The following NR6A1 variants were observed in gnomAD, a reference collection of about 807,000 sequenced individuals.
NR6A1 encodes retinoic acid receptor-related testis-associated receptor.
In NR6A1, 7 loss-of-function variants were observed where a neutral mutation model predicts 59.1. The observed-to-expected ratio is 0.12, with a 90% CI of 0.07 to 0.22. The LOEUF (loss-of-function observed/expected upper bound fraction) is 0.22, where lower values mean the gene tolerates loss of function less well. Ranked by LOEUF, NR6A1 falls within the 10% of genes least tolerant of loss-of-function variation. NR6A1 has a pLI of 1.00. For missense variants in NR6A1, 468 were observed against 611.6 expected (o/e 0.77, Z 2.48); for synonymous variants, 243 against 236.1 (o/e 1.03, Z -0.27).
intron 2 of NR6A1, among the ~76,000 whole-genome samples, chr9:124,643,531 C>T (rs542683405): frequency 4.0e-4 from 60 of 150,248 alleles, no homozygotes; most frequent in African/African-American, 1.3e-3. Flanking sequence ...GCCCAAGAGA[C>T]GAAGGGAGCA....
In NR6A1 at chr9:124,731,663, G is replaced by A. The variant is rs1373013870; in HGVS notation, c.142+1645C>T. 3.3e-5 allele frequency among the ~76,000 whole-genome samples: 5 copies of A among 152,138 alleles called. No homozygotes were observed. The East Asian group carries it at 9.6e-4, about 29-fold the overall frequency. ...TCAGCATGAAGGTGGTGAGGATGAA[G>A]ACCTTAACGATGATTCACTTCTATT... On this transcript the variant is annotated intron_variant, in intron 2 of 9. Coordinates refer to ENST00000487099, the MANE Select transcript of NR6A1 (RefSeq NM_033334.4).
At chr9:124,729,072 C>A (rs1839809965) in intron 2 of NR6A1, among the ~76,000 whole-genome samples, 1 of 152,084 alleles carries the variant, frequency 6.6e-6, no homozygotes, top group African/African-American at 2.4e-5. Context: ...GGGAAAAAAA[C>A]TTACTAAAAC....
At chr9:124,534,918 G>A (rs1214991748) in intron 7 of NR6A1, among the ~76,000 whole-genome samples, 1 of 152,128 alleles carries the variant, frequency 6.6e-6, no homozygotes, top group African/African-American at 2.4e-5. Flanking sequence ...AGGTCGGGAG[G>A]CCGAGACTAT....
At chr9:124,768,125 G>A (rs1276839402) in intron 1 of NR6A1, among the ~76,000 whole-genome samples, 5 of 152,110 alleles carry the variant, frequency 3.3e-5, no homozygotes, top group African/African-American at 1.2e-4. Context: ...ACCATTCAAA[G>A]GACTGTAAAT....
At chr9:124,709,974 T>C (rs1839230464) in intron 2 of NR6A1, among the ~76,000 whole-genome samples, 1 of 151,658 alleles carries the variant, frequency 6.6e-6, no homozygotes, top group Non-Finnish European at 1.5e-5. Flanking sequence ...AACCCAGTAC[T>C]TTCTAACAAT....
chr9:124,666,336 T>C (rs1344838360), intron 2 of NR6A1, among the ~76,000 whole-genome samples: 1 of 147,220 alleles, frequency 6.8e-6, no homozygotes, highest in Non-Finnish European at 1.5e-5. Context: ...TGGAGTGTAG[T>C]AGTGCAATCT....
intron 1 of NR6A1, among the ~76,000 whole-genome samples, chr9:124,757,318 AAAAC>A (rs1840660717): frequency 6.6e-6 from 1 of 152,200 alleles, no homozygotes; most frequent in African/African-American, 2.4e-5. Flanking sequence ...CCAGCAATGA[AAAAC>A]AATGGGCTGT....
intron 2 of NR6A1, among the ~76,000 whole-genome samples, chr9:124,574,741 T>C (rs191513452): frequency 1.3e-3 from 203 of 152,278 alleles, no homozygotes; most frequent in Non-Finnish European, 2.1e-3. Context: ...AAATGCCACA[T>C]GAAAATATCA....
chr9:124,531,302 T>C (rs1012486716), intron 7 of NR6A1, among the ~76,000 whole-genome samples: 2 of 152,216 alleles, frequency 1.3e-5, no homozygotes, highest in African/African-American at 4.8e-5. Flanking sequence ...TGCTACAATC[T>C]GCTTTAAATC....
At chr9:124,524,152 C>T (rs899690994) in intron 9 of NR6A1, among the ~76,000 whole-genome samples, 1 of 152,062 alleles carries the variant, frequency 6.6e-6, no homozygotes, top group Non-Finnish European at 1.5e-5. Flanking sequence ...GAGATGAGGT[C>T]TCACTATGTT....
chr9:124,622,380 A>G (rs1836103575), intron 2 of NR6A1, among the ~76,000 whole-genome samples: 1 of 152,210 alleles, frequency 6.6e-6, no homozygotes, highest in Non-Finnish European at 1.5e-5. Flanking sequence ...CGTTTTCCAG[A>G]TGGAAAACTA....
At position 124,676,376 on chromosome 9, in the gene NR6A1, G is replaced by C. The variant is rs556802907; in HGVS notation, c.142+56932C>G. On this transcript the variant is annotated intron_variant, in intron 2 of 9. Transcript: ENST00000487099. Reference sequence around the variant, plus strand: ...GATTCTTACATCATTACTCTGGTAAGGGCCCCGTACCAAGCTGGCATAGTT... The same window carrying C: ...GATTCTTACATCATTACTCTGGTAACGGCCCCGTACCAAGCTGGCATAGTT... 5.1e-4 allele frequency among the ~76,000 whole-genome samples: 77 copies of C among 152,184 alleles called. 1 individual carries two copies. The highest frequency in any genetic ancestry group is 1.8e-3 in the African/African-American group (75 of 41,516).
intron 2 of NR6A1, among the ~76,000 whole-genome samples, chr9:124,563,322 T>A (rs1486825354): frequency 6.6e-6 from 1 of 152,218 alleles, no homozygotes; most frequent in Non-Finnish European, 1.5e-5. Flanking sequence ...GTGTCTGTGA[T>A]GTGCAAGTGT....
At chr9:124,540,950 G>A (rs1046947140) in intron 4 of NR6A1, among the ~76,000 whole-genome samples, 2 of 151,202 alleles carry the variant, frequency 1.3e-5, no homozygotes, top group African/African-American at 4.9e-5. Flanking sequence ...AAAAGACATC[G>A]ACCCCTTATA....
intron 2 of NR6A1, among the ~76,000 whole-genome samples, chr9:124,694,288 T>C (rs564012365): frequency 3.6e-4 from 55 of 152,280 alleles, no homozygotes; most frequent in African/African-American, 1.3e-3. Context: ...TTTGCATGTT[T>C]TGGGGGGAGA....
chr9:124,538,064 G>C (rs199682493), intron 6 of NR6A1, 28 bp downstream of exon 6: 3 of 1,571,194 alleles, frequency 1.9e-6, no homozygotes, highest in Non-Finnish European at 2.6e-6. Flanking sequence ...GAGACTGCAA[G>C]GGGCCAAGAA....
At chr9:124,762,904 T>C (rs150686261) in intron 1 of NR6A1, among the ~76,000 whole-genome samples, 4 of 152,374 alleles carry the variant, frequency 2.6e-5, no homozygotes, top group African/African-American at 7.2e-5. Flanking sequence ...CCAAAACTAA[T>C]TGTTGCTTGA....
intron 2 of NR6A1, among the ~76,000 whole-genome samples, chr9:124,626,626 G>A (rs1836247894): frequency 6.6e-6 from 1 of 152,132 alleles, no homozygotes. Flanking sequence ...GAACTTAAAA[G>A]GCTATCCCTA....
At chr9:124,580,290 T>A (rs756184884) in intron 2 of NR6A1, among the ~76,000 whole-genome samples, 15 of 152,144 alleles carry the variant, frequency 9.9e-5, no homozygotes, top group Non-Finnish European at 1.9e-4. Context: ...AAAGATTACA[T>A]ACTCTATTAT....
Sources: allele counts gnomAD v4.1 joint callset (sites outside exome capture counted in the v4.1 genomes callset), GRCh38; gene constraint gnomAD v4.1.1; transcripts MANE v1.5; gene names NCBI Gene and HGNC (gene_info 2026-07-23, HGNC 2026-07-21).